The following PDCD11 variants were observed in gnomAD, a reference collection of about 807,000 sequenced individuals.
The protein encoded by PDCD11 is programmed cell death 11, also known as protein RRP5 homolog.
In PDCD11, 97 loss-of-function variants were observed where a neutral mutation model predicts 198.9. The ratio of observed to expected loss-of-function variants is 0.49; its 90% CI spans 0.41 to 0.58. The LOEUF (loss-of-function observed/expected upper bound fraction) is 0.58, where lower values mean the gene tolerates loss of function less well. PDCD11 is among the 20% of genes least tolerant of loss of function. The pLI is 0.00. For missense variants in PDCD11, 2,102 were observed against 2,312.7 expected (o/e 0.91, Z 1.87); for synonymous variants, 893 against 918.0 (o/e 0.97, Z 0.49).
chr10:103,401,543 A>G (rs897587014), intron 3 of PDCD11, among the ~76,000 whole-genome samples: 6 of 152,208 alleles, frequency 3.9e-5, no homozygotes, highest in Non-Finnish European at 5.9e-5. Context: ...TGCTGGAATC[A>G]CAGGCGTGAG....
chr10:103,443,848 C>T, intron 33 of PDCD11, 67 bp from the exon 34 acceptor site: 1 of 1,504,290 alleles, frequency 6.6e-7, no homozygotes, highest in South Asian at 1.2e-5. Context: ...GTGAGTGTTG[C>T]TGCTTGTCTG....
At chr10:103,403,396 G>A in intron 4 of PDCD11, 111 bp downstream of exon 4, 1 of 992,318 alleles carries the variant, frequency 1.0e-6, no homozygotes, top group Non-Finnish European at 1.5e-6. Context: ...TCCCGTGAGA[G>A]TTTATCATAA....
rs2032564808 is a variant in PDCD11, at chr10:103,445,394, G to A, written c.5461G>A (p.Val1821Ile). The change falls in exon 36 of 36, where the codon GTC (valine) becomes ATC (isoleucine). Residue 1821 changes from valine (V) to isoleucine (I), a missense_variant. Physicochemically the swap from Val to Ile is conservative, Grantham distance 29. Coordinates refer to ENST00000369797, the MANE Select transcript of PDCD11 (RefSeq NM_014976.2). The stretch of plus-strand genomic sequence containing the variant: ...CCTCAACAGGGACATCTTTGAGCGG[G>A]TCATTCATCTGAGCTTGGCCCCCAA... ...QKDVRDIFER[V>I]IHLSLAPKRM... 2 of 1,614,208 alleles carry A rather than the reference G, an allele frequency of 1.2e-6. No homozygotes were observed. Among genetic ancestry groups the A allele is most frequent in the Middle Eastern group, 1.7e-4 (1 of 6,054 alleles).
At chr10:103,431,518 G>A (rs527304108) in intron 21 of PDCD11, among the ~76,000 whole-genome samples, 5 of 152,098 alleles carry the variant, frequency 3.3e-5, no homozygotes, top group African/African-American at 9.6e-5. Context: ...CTTGAACCTG[G>A]GGGGTGGAAG....
chr10:103,402,696 C>G (rs2030182205), intron 3 of PDCD11, among the ~76,000 whole-genome samples: 1 of 152,002 alleles, frequency 6.6e-6, no homozygotes, highest in African/African-American at 2.4e-5. Context: ...GCCTCAGCCT[C>G]CCAAAGTGCT....
At chr10:103,404,756 A>C (rs76903131) in intron 4 of PDCD11, among the ~76,000 whole-genome samples, 3,346 of 152,310 alleles carry the variant, frequency 0.022, 68 homozygotes, top group Middle Eastern at 0.031. Context: ...GTAAGGGATG[A>C]AGTAGAGGCA....
intron 12 of PDCD11, among the ~76,000 whole-genome samples, 193 bp from the exon 13 acceptor site, chr10:103,416,298 T>G (rs1212225029): frequency 6.6e-6 from 1 of 152,188 alleles, no homozygotes; most frequent in Non-Finnish European, 1.5e-5. Context: ...GGAATTACAT[T>G]TGAAATAGTG....
At chr10:103,444,437 C>T in intron 34 of PDCD11, 80 bp from the exon 35 acceptor site, 1 of 1,341,306 alleles carries the variant, frequency 7.5e-7, no homozygotes. Context: ...GAGTCAGGTG[C>T]ACGCTGACCC....
chr10:103,434,470 G>T, intron 24 of PDCD11, 120 bp downstream of exon 24: 1 of 691,880 alleles, frequency 1.4e-6, no homozygotes. Context: ...AGAAAGCCTG[G>T]TGTGGGACCT....
intron 3 of PDCD11, among the ~76,000 whole-genome samples, chr10:103,402,900 ATCT>A (rs1319359619): frequency 6.6e-6 from 1 of 151,844 alleles, no homozygotes; most frequent in Non-Finnish European, 1.5e-5. Flanking sequence ...TGCCTGGCTA[ATCT>A]TTTTTTTTGG....
Position 103,425,226 on chromosome 10 carries a change from C to T in PDCD11, c.3006C>T (p.Thr1002=). ...TGGAGGGGCCGGCTGCCAAGAGGAC[C>T]ATGAGGCCGACCCAGAAGGACTCTG... ...LAVEGPAAKR[T]MRPTQKDSET... The change falls in exon 20 of 36, where the codon ACC becomes ACT. Residue 1002 remains threonine, a synonymous_variant. Coordinates refer to ENST00000369797, the MANE Select transcript of PDCD11 (RefSeq NM_014976.2). 6.2e-7 allele frequency: 1 copy of T among 1,614,092 alleles called. No individual in the cohort carries two copies.
At position 103,415,105 on chromosome 10, in the gene PDCD11, A is replaced by G; in HGVS notation, c.1472A>G (p.Lys491Arg). Residue 491 changes from lysine (K) to arginine (R), a missense_variant, in exon 12 of 36, where the codon AAG becomes AGG. Transcript: ENST00000369797. Reference sequence around the variant, plus strand: ...ATGCACCTGGCTGACATCCTGATGAAGAATCCGGAGAAGAAGTACCACATC... The same window carrying G: ...ATGCACCTGGCTGACATCCTGATGAGGAATCCGGAGAAGAAGTACCACATC... Reference protein sequence around the residue: ...PPMHLADILMKNPEKKYHIGD... With the variant: ...PPMHLADILMRNPEKKYHIGD... The G allele has an allele frequency of 6.2e-7, 1 of 1,614,094 alleles. No homozygotes were observed. The highest frequency in any genetic ancestry group is 2.2e-5 in the East Asian group (1 of 44,886).
chr10:103,438,828 C>T lies in PDCD11; in HGVS notation c.4025+20C>T, dbSNP rs758761067. ...CTTTCGGTGAGTGAGGGGGGCTCTG[C>T]ACCCGGACCCAAGTGCCTTCCCTGA... is the stretch of plus-strand genomic sequence containing the variant. On this transcript the variant is annotated intron_variant, in intron 27 of 35. Coordinates refer to ENST00000369797, the MANE Select transcript of PDCD11 (RefSeq NM_014976.2). 1 of 1,612,970 alleles carries T rather than the reference C, an allele frequency of 6.2e-7. No individual in the cohort carries two copies. The highest frequency in any genetic ancestry group is 1.7e-5 in the Admixed American group (1 of 59,996).
chr10:103,421,409 C>A lies in PDCD11; in HGVS notation c.2339C>A (p.Ala780Glu). The change falls in exon 17 of 36, where the codon GCG becomes GAG. Residue 780 changes from alanine (A) to glutamate (E), a missense_variant. Coordinates refer to ENST00000369797, the MANE Select transcript of PDCD11 (RefSeq NM_014976.2). ...SDHFVEGQTV[A>E]AKVTNVDEEK... Reference sequence around the variant, plus strand: ...CACTTTGTTGAGGGCCAGACAGTAGCGGCAAAGGTGACCAATGTGGATGAG... The same window carrying A: ...CACTTTGTTGAGGGCCAGACAGTAGAGGCAAAGGTGACCAATGTGGATGAG... 2 of 1,608,854 alleles carry A rather than the reference C, an allele frequency of 1.2e-6. No homozygotes were observed. Among genetic ancestry groups the A allele is most frequent in the East Asian group, 2.2e-5 (1 of 44,812 alleles).
chr10:103,398,084 G>A (rs1403253399), intron 1 of PDCD11, among the ~76,000 whole-genome samples: 1 of 152,172 alleles, frequency 6.6e-6, no homozygotes, highest in Non-Finnish European at 1.5e-5. Flanking sequence ...CAAAAAGTGT[G>A]CATGTTCTTT....
chr10:103,427,427 G>C (rs763641984), intron 21 of PDCD11, 36 bp downstream of exon 21: 4 of 1,514,776 alleles, frequency 2.6e-6, no homozygotes, highest in East Asian at 4.6e-5. Flanking sequence ...CTTACGGAAA[G>C]AGCACTGGGC....
rs746200496 is a variant in PDCD11, at chr10:103,443,355, G to C, written c.5124+22G>C. The stretch of plus-strand genomic sequence containing the variant: ...CCAGGTAGGAGGTTGGGCCACAGAC[G>C]AACTCCTGGGAGTTCCAGGGCCACA... On this transcript the variant is annotated intron_variant, in intron 33 of 35. Coordinates refer to ENST00000369797, the MANE Select transcript of PDCD11 (RefSeq NM_014976.2). 14 of 1,579,324 alleles carry C rather than the reference G, an allele frequency of 8.9e-6. No homozygotes were observed. In the Middle Eastern group the frequency reaches 5.1e-4, roughly 57 times the overall value.
chr10:103,406,058 CT>C lies in PDCD11; in HGVS notation c.642del (p.Leu215CysfsTer4). ...LVDIGVDGTR[A>X]FLPLLKAQEY... ...GACATTGGTGTTGATGGGACCAGAG[CT>C]TTTCTGCCACTGCTGAAAGCCCAGG... On this transcript the variant is annotated frameshift_variant, in exon 6 of 36. Coordinates refer to ENST00000369797, the MANE Select transcript of PDCD11 (RefSeq NM_014976.2). LOFTEE classifies it high-confidence loss of function. 1 of 1,614,144 alleles carries C rather than the reference CT, an allele frequency of 6.2e-7. No individual in the cohort carries two copies. The highest frequency in any genetic ancestry group is 8.5e-7 in the Non-Finnish European group (1 of 1,180,028).
intron 35 of PDCD11, among the ~76,000 whole-genome samples, chr10:103,444,973 C>T (rs1010731667): frequency 6.6e-6 from 1 of 152,226 alleles, no homozygotes; most frequent in Non-Finnish European, 1.5e-5. Context: ...CAGGCATTCT[C>T]TTGCTTTTGA....
Sources: allele counts gnomAD v4.1 joint callset (sites outside exome capture counted in the v4.1 genomes callset), GRCh38; gene constraint gnomAD v4.1.1; transcripts MANE v1.5; gene names NCBI Gene and HGNC (gene_info 2026-07-23, HGNC 2026-07-21).